Variants in CARMIL1 observed in about 807,000 individuals in gnomAD.
The protein encoded by CARMIL1 is F-actin-uncapping protein LRRC16A.
In CARMIL1, 90 loss-of-function variants were observed where a neutral mutation model predicts 177.1. That is an observed-to-expected ratio of 0.51 (90% CI 0.43 to 0.61). The LOEUF is 0.61. CARMIL1 is among the 20% of genes least tolerant of loss of function. The probability of loss-of-function intolerance (pLI) is 0.00; values close to 1 mark genes in which losing one functional copy is unlikely to be tolerated. For synonymous variants in CARMIL1, 577 were observed against 606.2 expected, an observed-to-expected ratio of 0.95 and a Z score of 0.71; for missense variants, 1,380 against 1,667.0, an observed-to-expected ratio of 0.83 and a Z score of 3.00.
rs536710045 is a variant in CARMIL1 at position 25,444,620 on chromosome 6, G to A, written c.372-5278G>A. On this transcript the variant is annotated intron_variant, in intron 5 of 36. Coordinates refer to ENST00000329474, the MANE Select transcript of CARMIL1 (RefSeq NM_017640.6). ...TTCCCACCTTTGAGTGAGAAGATGC[G>A]GTGTTTGGTTTTCTGTCCTTGTGAT... is the stretch of plus-strand genomic sequence containing the variant. Among the ~76,000 whole-genome samples, 34 of 152,214 alleles carry A rather than the reference G, an allele frequency of 2.2e-4. 1 individual carries two copies. In the South Asian group the frequency reaches 5.4e-3, roughly 24 times the overall value.
Position 25,340,777 on chromosome 6 carries a change from G to GTTTTTTTTTTTTTTTTTTTTTTT in CARMIL1, c.138+55873_138+55895dup, listed in dbSNP as rs34928775. Reference sequence around the variant, plus strand: ...AAGCTGGAGAAGGCTGTCAATGAAGGTTTTTTTTTTTTTTTTTTTTTTTTT... The same window carrying GTTTTTTTTTTTTTTTTTTTTTTT: ...AAGCTGGAGAAGGCTGTCAATGAAGGTTTTTTTTTTTTTTTTTTTTTTTTTTTTTTTTTTTTTTTTTTTTTTTT... On this transcript the variant is annotated intron_variant, in intron 2 of 36. Transcript: ENST00000329474. 2.3e-5 allele frequency among the ~76,000 whole-genome samples: 2 copies of GTTTTTTTTTTTTTTTTTTTTTTT among 86,160 alleles called. 1 individual carries two copies. The highest frequency in any genetic ancestry group is 8.0e-5 in the African/African-American group (2 of 25,098). The allele number at this position is 86,160 out of a possible 152,430, so 56.5% of individuals were successfully genotyped here.
In CARMIL1 at chr6:25,441,337, A is replaced by ATATATATGTGTG; in HGVS notation, c.371+5734_371+5735insATATATGTGTGT. ...CAAACAAACATATATATATATATATATGTGTGTGTGTGTGTGTGTGTGTGT... is the reference window on the plus strand; with the variant it reads ...CAAACAAACATATATATATATATATATATATATGTGTGTGTGTGTGTGTGTGTGTGTGTGTGT... On this transcript the variant is annotated intron_variant, in intron 5 of 36. Coordinates refer to ENST00000329474, the MANE Select transcript of CARMIL1 (RefSeq NM_017640.6). Among the ~76,000 whole-genome samples, 376 of 94,496 alleles carry ATATATATGTGTG rather than the reference A, an allele frequency of 4.0e-3. 5 individuals are homozygous for ATATATATGTGTG. The highest frequency in any genetic ancestry group is 9.3e-3 in the East Asian group (27 of 2,900). 62.0% of individuals were successfully genotyped at this position (94,496 alleles called of 152,430 possible).
chr6:25,519,260 A>G (rs1308159567), intron 22 of CARMIL1, among the ~76,000 whole-genome samples: 1 of 152,208 alleles, frequency 6.6e-6, no homozygotes, highest in African/African-American at 2.4e-5. Context: ...GTGCAATTTT[A>G]ATGTCCCAGT....
chr6:25,397,472 G>C (rs1222098703), intron 2 of CARMIL1, among the ~76,000 whole-genome samples: 4 of 152,190 alleles, frequency 2.6e-5, no homozygotes, highest in Admixed American at 2.0e-4. Flanking sequence ...TGGTGCATAG[G>C]GTGGGGCAGA....
chr6:25,441,349 G>A lies in CARMIL1; in HGVS notation c.371+5745G>A, dbSNP rs1396450840. Among the ~76,000 whole-genome samples the A allele has an allele frequency of 1.6e-3, 197 of 122,826 alleles. 1 individual carries two copies. The highest frequency in any genetic ancestry group is 4.5e-3 in the African/African-American group (147 of 32,674). The allele number at this position is 122,826 out of a possible 152,430, so 80.6% of individuals were successfully genotyped here. ...TATATATATATATATGTGTGTGTGTGTGTGTGTGTGTGTGTGTGTGTGTCT... is the reference window on the plus strand; with the variant it reads ...TATATATATATATATGTGTGTGTGTATGTGTGTGTGTGTGTGTGTGTGTCT... On this transcript the variant is annotated intron_variant, in intron 5 of 36. Transcript: ENST00000329474.
chr6:25,560,164 C>T (rs1810978276), intron 29 of CARMIL1, among the ~76,000 whole-genome samples: 1 of 152,080 alleles, frequency 6.6e-6, no homozygotes, highest in African/African-American at 2.4e-5. Flanking sequence ...TGGAGGATAA[C>T]TAAGCTTCTA....
intron 2 of CARMIL1, among the ~76,000 whole-genome samples, chr6:25,306,868 C>G (rs1014184584): frequency 2.7e-5 from 4 of 146,394 alleles, no homozygotes; most frequent in African/African-American, 1.0e-4. Context: ...CTGTTTCCTG[C>G]AGTGCCTTGG....
chr6:25,341,643 G>A (rs1786955057), intron 2 of CARMIL1, among the ~76,000 whole-genome samples: 3 of 152,256 alleles, frequency 2.0e-5, no homozygotes, highest in African/African-American at 4.8e-5. Context: ...ACTTGAACCT[G>A]CAGGGCAGAG....
intron 5 of CARMIL1, among the ~76,000 whole-genome samples, chr6:25,446,696 G>C (rs1798267232): frequency 6.6e-6 from 1 of 151,852 alleles, no homozygotes; most frequent in African/African-American, 2.4e-5. Flanking sequence ...TAATTTTTTT[G>C]TTGCAAAAGG....
intron 8 of CARMIL1, among the ~76,000 whole-genome samples, chr6:25,451,256 T>C (rs1352564595): frequency 1.3e-5 from 2 of 152,090 alleles, no homozygotes; most frequent in African/African-American, 4.8e-5. Flanking sequence ...AAAAACAGTA[T>C]AATTCTTAGG....
At chr6:25,443,494 A>G (rs143024524) in intron 5 of CARMIL1, among the ~76,000 whole-genome samples, 117 of 152,350 alleles carry the variant, frequency 7.7e-4, no homozygotes, top group African/African-American at 2.7e-3. Flanking sequence ...GACATCTGAC[A>G]TGTATTAGGT....
chr6:25,285,466 T>C (rs1279333837), intron 2 of CARMIL1, among the ~76,000 whole-genome samples: 1 of 152,114 alleles, frequency 6.6e-6, no homozygotes, highest in East Asian at 1.9e-4. Flanking sequence ...TCCTTCTAGT[T>C]TGTGAGAGGA....
chr6:25,535,536 G>A lies in CARMIL1; in HGVS notation c.2068-2319G>A, dbSNP rs150759989. ...GAATTGAGCTTCATAAACTATGGCC[G>A]TCAACAACTTTTCTGTATTGCTTTA... On this transcript the variant is annotated intron_variant, in intron 24 of 36. Transcript: ENST00000329474. Among the ~76,000 whole-genome samples, 749 of 152,188 alleles carry A rather than the reference G, an allele frequency of 4.9e-3. 4 individuals are homozygous for A. Among genetic ancestry groups the A allele is most frequent in the African/African-American group, 0.015 (635 of 41,528 alleles).
At chr6:25,280,535 A>T (rs1781002952) in intron 1 of CARMIL1, among the ~76,000 whole-genome samples, 1 of 151,688 alleles carries the variant, frequency 6.6e-6, no homozygotes, top group South Asian at 2.1e-4. Context: ...TCTCTTAGGG[A>T]ACCCGTGTGT....
In CARMIL1 at chr6:25,452,002, C is replaced by CCCCG. The variant is rs1554199130; in HGVS notation, c.614+1293_614+1294insCGCC. Reference sequence around the variant, plus strand: ...TAGCATCTTGCCCCCCCCTCCCCCCCCCAGAATACTGTTTTGAATTATTTT... The same window carrying CCCCG: ...TAGCATCTTGCCCCCCCCTCCCCCCCCCCGCCAGAATACTGTTTTGAATTATTTT... On this transcript the variant is annotated intron_variant, in intron 8 of 36. Coordinates refer to ENST00000329474, the MANE Select transcript of CARMIL1 (RefSeq NM_017640.6). The CCCCG allele has an allele frequency of 1.6e-4, 42 of 258,944 alleles. 2 individuals are homozygous for CCCCG. Among genetic ancestry groups the CCCCG allele is most frequent in the African/African-American group, 1.2e-3 (42 of 35,880 alleles). 16.0% of individuals were successfully genotyped at this position (258,944 alleles called of 1,614,324 possible).
intron 8 of CARMIL1, among the ~76,000 whole-genome samples, chr6:25,456,693 A>G (rs1412098879): frequency 6.6e-6 from 1 of 152,196 alleles, no homozygotes; most frequent in Non-Finnish European, 1.5e-5. Context: ...TGCCAAGAAG[A>G]AGAAAATATA....
intron 11 of CARMIL1, among the ~76,000 whole-genome samples, chr6:25,473,838 G>T (rs1801284446): frequency 6.6e-6 from 1 of 152,202 alleles, no homozygotes; most frequent in Non-Finnish European, 1.5e-5. Context: ...CAAGATTTGA[G>T]TGTGAGAATA....
At chr6:25,347,233 C>A (rs1035395292) in intron 2 of CARMIL1, among the ~76,000 whole-genome samples, 13 of 152,168 alleles carry the variant, frequency 8.5e-5, no homozygotes, top group Non-Finnish European at 5.9e-5. Flanking sequence ...GAAATAATAT[C>A]TCCAGTCCTC....
At chr6:25,445,316 C>G (rs140651603) in intron 5 of CARMIL1, among the ~76,000 whole-genome samples, 83 of 152,304 alleles carry the variant, frequency 5.4e-4, no homozygotes, top group African/African-American at 1.9e-3. Context: ...ACTTCCTCCA[C>G]TAAACTCTTA....
Sources: gnomAD v4.1 joint callset for allele counts (sites outside exome capture counted in the v4.1 genomes callset) on GRCh38, gnomAD v4.1.1 for gene constraint, MANE v1.5 for transcripts, NCBI Gene and HGNC (gene_info 2026-07-23, HGNC 2026-07-21) for gene names.